The following HHATL variants were observed in gnomAD, a reference collection of about 807,000 sequenced individuals.
HHATL encodes the protein hedgehog acyltransferase like, also known as protein-cysteine N-palmitoyltransferase HHAT-like protein.
HHATL carries 49 observed loss-of-function variants against 59.7 expected under a neutral mutation model. The observed-to-expected ratio is 0.82, with a 90% confidence interval of 0.65 to 1.04. The LOEUF is 1.04. Among genes scored for constraint, HHATL ranks in the 50% least tolerant of loss-of-function variants. The probability of loss-of-function intolerance (pLI) is 0.00; values close to 1 mark genes in which losing one functional copy is unlikely to be tolerated. For missense variants in HHATL, 605 were observed against 650.8 expected (o/e 0.93, Z 0.77); for synonymous variants, 238 against 257.3 (o/e 0.93, Z 0.72).
chr3:42,700,670 C>A, intron 2 of HHATL, 51 bp downstream of exon 2: 2 of 1,267,862 alleles, frequency 1.6e-6, no homozygotes, highest in Non-Finnish European at 2.3e-6. Context: ...AACCCTGAGG[C>A]CTCCAGGGGA....
chr3:42,694,395 A>G lies in HHATL; in HGVS notation c.1047-577T>C, dbSNP rs114411024. 3.2e-3 allele frequency among the ~76,000 whole-genome samples: 482 copies of G among 152,222 alleles called. 3 individuals are homozygous for G. The highest frequency in any genetic ancestry group is 0.011 in the African/African-American group (449 of 41,508). On this transcript the variant is annotated intron_variant, in intron 9 of 11. Transcript: ENST00000441594. ...CAAGATGATCACTCTTCTCACATAAATTATTGCAAGAGCCTCTTAAGTGGT... is the reference window on the plus strand; with the variant it reads ...CAAGATGATCACTCTTCTCACATAAGTTATTGCAAGAGCCTCTTAAGTGGT...
chr3:42,696,057 C>T (rs1427935159), intron 9 of HHATL, among the ~76,000 whole-genome samples: 1 of 152,184 alleles, frequency 6.6e-6, no homozygotes, highest in Non-Finnish European at 1.5e-5. Context: ...TTACCTGCTC[C>T]TGCCTTGCCC....
rs1013914639 is a variant in HHATL at position 42,699,052 on chromosome 3, A to T, written c.268T>A (p.Cys90Ser). 1.9e-6 allele frequency: 3 copies of T among 1,614,084 alleles called. No homozygotes were observed. Among genetic ancestry groups the T allele is most frequent in the Non-Finnish European group, 2.5e-6 (3 of 1,180,032 alleles). ...CTCACCTTTGGGGCAACCATCGTGCAGAGTTTAGCAAACAGCACATGTCCG... is the reference window on the plus strand; with the variant it reads ...CTCACCTTTGGGGCAACCATCGTGCTGAGTTTAGCAAACAGCACATGTCCG... Reference protein sequence around the residue: ...LSGHVLFAKLCTMVAPKLRSW... With the variant: ...LSGHVLFAKLSTMVAPKLRSW... Residue 90 changes from cysteine (C) to serine (S), a missense_variant, in exon 4 of 12, where the codon TGC becomes AGC. By Grantham distance (112) the Cys-to-Ser change is moderately radical. Transcript: ENST00000441594.
intron 3 of HHATL, 35 bp downstream of exon 3, chr3:42,699,723 G>T: frequency 6.5e-7 from 1 of 1,540,992 alleles, no homozygotes; most frequent in Admixed American, 1.9e-5. Flanking sequence ...AGAAGGGTTC[G>T]GGATGGGAGG....
chr3:42,693,296 C>T (rs988531624), intron 10 of HHATL, 78 bp from the exon 11 acceptor site: 1 of 1,564,624 alleles, frequency 6.4e-7, no homozygotes, highest in Non-Finnish European at 8.7e-7. Flanking sequence ...CAGCCTTACC[C>T]ACCTGGCCAG....
chr3:42,696,643 C>G (rs1403045006), intron 9 of HHATL, among the ~76,000 whole-genome samples, 199 bp downstream of exon 9: 1 of 152,208 alleles, frequency 6.6e-6, no homozygotes, highest in Non-Finnish European at 1.5e-5. Flanking sequence ...CCTCCCACCA[C>G]CTCTCTCCAC....
In HHATL at chr3:42,693,124, T is replaced by C. The variant is rs1386229224; in HGVS notation, c.1343A>G (p.Asn448Ser). The C allele has an allele frequency of 5.6e-6, 9 of 1,614,068 alleles. No individual in the cohort carries two copies. Among genetic ancestry groups the C allele is most frequent in the Non-Finnish European group, 6.8e-6 (8 of 1,180,044 alleles). The change falls in exon 11 of 12, where the codon AAC (asparagine) becomes AGC (serine). Residue 448 changes from asparagine (N) to serine (S), a missense_variant. Physicochemically the swap from Asn to Ser is conservative, Grantham distance 46 (BLOSUM62 1). Coordinates refer to ENST00000441594, the MANE Select transcript of HHATL (RefSeq NM_020707.4). ...AACCAGCTCTGTGAATTTGAGGCTG[T>C]TCAGGCTCACAAGGTTGTACATGAT... Reference protein sequence around the residue: ...AIIMYNLVSLNSLKFTELVAR... With the variant: ...AIIMYNLVSLSSLKFTELVAR...
chr3:42,692,893 C>T lies in HHATL; in HGVS notation c.1391-18G>A, dbSNP rs1247118016. Reference sequence around the variant, plus strand: ...GGGGAACCCTGTGTGGGGAGGGAGTCATAGATGCTCAGGAGCAGCACTGCA... The same window carrying T: ...GGGGAACCCTGTGTGGGGAGGGAGTTATAGATGCTCAGGAGCAGCACTGCA... On this transcript the variant is annotated intron_variant, in intron 11 of 11. Transcript: ENST00000441594. 5 of 1,612,212 alleles carry T rather than the reference C, an allele frequency of 3.1e-6. No individual in the cohort carries two copies. The highest frequency in any genetic ancestry group is 2.2e-5 in the East Asian group (1 of 44,868).
At chr3:42,698,099 G>T in intron 6 of HHATL, 43 bp downstream of exon 6, 1 of 1,571,710 alleles carries the variant, frequency 6.4e-7, no homozygotes, top group East Asian at 2.2e-5. Flanking sequence ...TCTGAAAAGG[G>T]AGATTCAGCC....
chr3:42,692,844 A>G lies in HHATL; in HGVS notation c.1422T>C (p.Phe474=). ...GFPQTTLSIL[F]VTYCGVQLVK... ...CCAGCTGGACGCCACAGTAGGTGAC[A>G]AACAGGATGGACAGCGTGGTCTGGG... Residue 474 remains phenylalanine (F), a synonymous_variant, in exon 12 of 12, where the codon TTT becomes TTC. Transcript: ENST00000441594. 2 of 1,614,214 alleles carry G rather than the reference A, an allele frequency of 1.2e-6. No individual in the cohort carries two copies. Among genetic ancestry groups the G allele is most frequent in the Non-Finnish European group, 1.7e-6 (2 of 1,180,034 alleles).
rs1406309131 is a variant in HHATL, at chr3:42,698,220, A to T, written c.615T>A (p.Ala205=). 6.2e-7 allele frequency: 1 copy of T among 1,614,214 alleles called. No homozygotes were observed. Among genetic ancestry groups the T allele is most frequent in the South Asian group, 1.1e-5 (1 of 91,084 alleles). ...GGTAGAAGTTGTACTTGAGCAGGTC[A>T]GCTAAGGAGTAGTGGCGGTCAGGGT... ...CAHPDRHYSL[A]DLLKYNFYLP... Residue 205 remains alanine, a synonymous_variant, in exon 6 of 12, where the codon GCT becomes GCA. Transcript: ENST00000441594.
chr3:42,700,943 C>A, intron 1 of HHATL, 104 bp from the exon 2 acceptor site: 2 of 707,654 alleles, frequency 2.8e-6, no homozygotes, highest in Non-Finnish European at 2.5e-6. Flanking sequence ...GAGAGATTGC[C>A]CCTCCAGCCC....
chr3:42,697,652 C>A lies in HHATL; in HGVS notation c.721G>T (p.Glu241Ter). 6.2e-7 allele frequency: 1 copy of A among 1,613,954 alleles called. No homozygotes were observed. The highest frequency in any genetic ancestry group is 1.1e-5 in the South Asian group (1 of 91,078). Residue 241 changes from glutamate to a stop codon, truncating the protein, a stop_gained, in exon 7 of 12, where the codon GAG becomes TAG. Coordinates refer to ENST00000441594, the MANE Select transcript of HHATL (RefSeq NM_020707.4). LOFTEE classifies it high-confidence loss of function. Reference sequence around the variant, plus strand: ...GCTCGGATGTGCCACAGCTCACCCTCGCGTCTCACTGGCTCCACCTGGCTC... The same window carrying A: ...GCTCGGATGTGCCACAGCTCACCCTAGCGTCTCACTGGCTCCACCTGGCTC... ...QVSQVEPVRREGELWHIRAQA... is the reference protein window; with the variant it reads ...QVSQVEPVRR
rs200755991 is a variant in HHATL, at chr3:42,698,898, C to T, written c.293G>A (p.Arg98His). ...KLCTMVAPKL[R>H]SWMYAVYGAL... ...CCCGTACACAGCATACATCCAGGAG[C>T]GGAGCTGTGGGCAGGGAGAAGGCTT... The change falls in exon 5 of 12, where the codon CGC becomes CAC. Residue 98 changes from arginine to histidine, a missense_variant. Physicochemically the swap from Arg to His is conservative, Grantham distance 29. Transcript: ENST00000441594. 13 of 1,605,980 alleles carry T rather than the reference C, an allele frequency of 8.1e-6. No individual in the cohort carries two copies. In the East Asian group the frequency reaches 2.2e-4, roughly 28 times the overall value.
rs1203973135 is a variant in HHATL at position 42,697,060 on chromosome 3, G to T, written c.951C>A (p.Asp317Glu). 2 of 1,590,868 alleles carry T rather than the reference G, an allele frequency of 1.3e-6. No homozygotes were observed. Among genetic ancestry groups the T allele is most frequent in the Non-Finnish European group, 8.6e-7 (1 of 1,167,562 alleles). ...FGVVNTVACL[D>E]HLDPPQPPKC... is the part of the protein sequence containing the mutation. ...TGGGAGGCTGGGGTGGGTCCAGGTG[G>T]TCGAGGCATGCCACAGTGTTGACAA... Residue 317 changes from aspartate to glutamate, a missense_variant, in exon 8 of 12, where the codon GAC (aspartate) becomes GAA (glutamate). Transcript: ENST00000441594.
At chr3:42,700,900 G>A (rs1697946317) in intron 1 of HHATL, 61 bp from the exon 2 acceptor site, 2 of 1,168,434 alleles carry the variant, frequency 1.7e-6, no homozygotes, top group East Asian at 4.8e-5. Flanking sequence ...CCCACCTCAT[G>A]GTCCCACCAC....
Position 42,700,820 on chromosome 3 carries a change from T to C in HHATL, c.7A>G (p.Ile3Val), listed in dbSNP as rs1423295093. The C allele has an allele frequency of 3.5e-5, 57 of 1,613,144 alleles. No homozygotes were observed. Among genetic ancestry groups the C allele is most frequent in the Non-Finnish European group, 4.8e-5 (57 of 1,179,344 alleles). The change falls in exon 2 of 12, where the codon ATC becomes GTC. Residue 3 changes from isoleucine (I) to valine (V), a missense_variant. Physicochemically the swap from Ile to Val is conservative, Grantham distance 29. Coordinates refer to ENST00000441594, the MANE Select transcript of HHATL (RefSeq NM_020707.4). ...TCAGCCGCCGGCAATGCTGTCTTGA[T>C]GCCCATAGCCTGGACAGGGCTGGGG... MG[I>V]KTALPAAELG...
intron 7 of HHATL, among the ~76,000 whole-genome samples, 156 bp from the exon 8 acceptor site, chr3:42,697,301 G>A (rs373145258): frequency 1.3e-5 from 2 of 152,176 alleles, no homozygotes; most frequent in East Asian, 1.9e-4. Context: ...TGGTGAAGTG[G>A]GTGGGGTCCG....
chr3:42,694,362 A>G (rs566925485), intron 9 of HHATL, among the ~76,000 whole-genome samples: 1 of 151,866 alleles, frequency 6.6e-6, no homozygotes, highest in Admixed American at 6.6e-5. Context: ...TACCACCACC[A>G]CCCTAGTCAA....
Sources: allele counts gnomAD v4.1 joint callset (sites outside exome capture counted in the v4.1 genomes callset), GRCh38; gene constraint gnomAD v4.1.1; transcripts MANE v1.5; gene names NCBI Gene and HGNC (gene_info 2026-07-23, HGNC 2026-07-21).